The following TRIP12 variants were observed in gnomAD, a reference collection of about 807,000 sequenced individuals.
The protein encoded by TRIP12 is E3 ubiquitin-protein ligase TRIP12.
In TRIP12, 25 loss-of-function variants were observed where a neutral mutation model predicts 244.2. That is an observed-to-expected ratio of 0.10 (90% CI 0.07 to 0.14). The LOEUF is 0.14. Ranked by LOEUF, TRIP12 falls within the 10% of genes least tolerant of loss-of-function variation. The pLI, the probability that TRIP12 is intolerant of heterozygous loss-of-function variation, is 1.00. For synonymous variants in TRIP12, 905 were observed against 873.1 expected (o/e 1.04, Z -0.64); for missense variants, 1,677 against 2,486.4 (o/e 0.67, Z 6.92).
chr2:229,886,906 C>A (rs1304306812), intron 1 of TRIP12, among the ~76,000 whole-genome samples: 1 of 152,266 alleles, frequency 6.6e-6, no homozygotes, highest in East Asian at 1.9e-4. Context: ...TGCTTTAAAT[C>A]ATTTAATTTT....
intron 39 of TRIP12, 34 bp from the exon 40 acceptor site, chr2:229,769,359 A>G (rs1469368721): frequency 1.2e-6 from 2 of 1,601,644 alleles, no homozygotes; most frequent in Non-Finnish European, 1.7e-6. Context: ...AAGAATTACT[A>G]AGGAAACATT....
intron 4 of TRIP12, among the ~76,000 whole-genome samples, chr2:229,853,382 C>A (rs915711279): frequency 6.6e-6 from 1 of 152,112 alleles, no homozygotes; most frequent in African/African-American, 2.4e-5. Context: ...AACAAAAAAC[C>A]CTGATGCATA....
chr2:229,845,547 C>T (rs928702698), intron 4 of TRIP12, among the ~76,000 whole-genome samples: 7 of 152,172 alleles, frequency 4.6e-5, no homozygotes, highest in Middle Eastern at 3.4e-3. Context: ...AAAAAAACCA[C>T]GTAAGAATTC....
chr2:229,800,056 A>T (rs1312962930), intron 21 of TRIP12, among the ~76,000 whole-genome samples: 1 of 152,230 alleles, frequency 6.6e-6, no homozygotes, highest in Non-Finnish European at 1.5e-5. Context: ...CAACCTGAAA[A>T]AGAATGTTAA....
chr2:229,777,260 C>A, intron 37 of TRIP12, 55 bp downstream of exon 37: 4 of 1,548,258 alleles, frequency 2.6e-6, no homozygotes, highest in South Asian at 2.4e-5. Context: ...TTAACAAAAG[C>A]CTCATTTTTC....
Position 229,768,831 on chromosome 2 carries a change from CAT to C in TRIP12, c.5904-114_5904-113del. 4 of 982,926 alleles carry C rather than the reference CAT, an allele frequency of 4.1e-6. No homozygotes were observed. The South Asian group carries it at 5.3e-5, about 13-fold the overall frequency. The allele number at this position is 982,926 out of a possible 1,614,324, so 60.9% of individuals were successfully genotyped here. On this transcript the variant is annotated intron_variant, in intron 40 of 41. Transcript: ENST00000675903. ...ATTAGATTAGCACTTTTAAATTACA[CAT>C]ACATTTTCCATTACAATGTACTTAA... is the stretch of plus-strand genomic sequence containing the variant.
chr2:229,871,527 C>G (rs1238973810), intron 2 of TRIP12, among the ~76,000 whole-genome samples: 2 of 152,094 alleles, frequency 1.3e-5, no homozygotes, highest in Admixed American at 1.3e-4. Flanking sequence ...CCCTCCCCAC[C>G]CCTTGCTCCC....
intron 2 of TRIP12, among the ~76,000 whole-genome samples, chr2:229,870,431 G>A (rs2062354227): frequency 6.6e-6 from 1 of 152,168 alleles, no homozygotes; most frequent in Non-Finnish European, 1.5e-5. Context: ...TGAACAGAGA[G>A]GAGGCAGCCA....
chr2:229,766,741 G>C lies in TRIP12; in HGVS notation c.*813C>G, dbSNP rs573500550. The C allele has an allele frequency of 5.9e-5, 9 of 152,274 alleles. No individual in the cohort carries two copies. In the South Asian group the frequency reaches 1.9e-3, roughly 32 times the overall value. The allele number at this position is 152,274 out of a possible 1,614,324, so 9.4% of individuals were successfully genotyped here. On this transcript the variant is annotated 3_prime_UTR_variant, in exon 42 of 42. Coordinates refer to ENST00000675903, the MANE Select transcript of TRIP12 (RefSeq NM_001348323.3). ...TGTAGACTTCTTAACCTTCATAAAAGAAACAAATGAGCTTTCCTTGTCTCA... is the reference window on the plus strand; with the variant it reads ...TGTAGACTTCTTAACCTTCATAAAACAAACAAATGAGCTTTCCTTGTCTCA...
intron 2 of TRIP12, among the ~76,000 whole-genome samples, chr2:229,867,260 G>A (rs1408807169): frequency 6.6e-6 from 1 of 150,878 alleles, no homozygotes; most frequent in African/African-American, 2.4e-5. Context: ...CTGCCTCCTG[G>A]GTTCAAGAGA....
intron 4 of TRIP12, 97 bp downstream of exon 4, chr2:229,858,675 T>TG (rs1454084521): frequency 9.6e-7 from 1 of 1,046,520 alleles, no homozygotes; most frequent in Non-Finnish European, 1.4e-6. Context: ...TATCTAAGAC[T>TG]GGGGGGAAAA....
chr2:229,808,435 A>G, intron 15 of TRIP12, 66 bp from the exon 16 acceptor site: 1 of 995,088 alleles, frequency 1.0e-6, no homozygotes. Flanking sequence ...TTCAAAGGCA[A>G]ACATTGCCCA....
intron 23 of TRIP12, 77 bp downstream of exon 23, chr2:229,798,798 T>C: frequency 6.7e-7 from 1 of 1,503,220 alleles, no homozygotes; most frequent in Non-Finnish European, 9.1e-7. Context: ...CTCCACACAA[T>C]AAACGTACTG....
intron 26 of TRIP12, among the ~76,000 whole-genome samples, chr2:229,794,483 C>T (rs1356632438): frequency 6.6e-6 from 1 of 152,076 alleles, no homozygotes; most frequent in Non-Finnish European, 1.5e-5. Flanking sequence ...AGAAAGATCT[C>T]TTCAGCCAGG....
intron 26 of TRIP12, among the ~76,000 whole-genome samples, chr2:229,794,427 C>T (rs948967924): frequency 5.3e-5 from 8 of 152,022 alleles, no homozygotes; most frequent in Non-Finnish European, 1.2e-4. Flanking sequence ...ATTAATGGAA[C>T]ATGGTGGCAC....
At chr2:229,789,854 G>A (rs2040991123) in intron 30 of TRIP12, 92 bp from the exon 31 acceptor site, 3 of 1,398,898 alleles carry the variant, frequency 2.1e-6, no homozygotes, top group Non-Finnish European at 2.9e-6. Flanking sequence ...AAGAGTAACA[G>A]AAGTTGTTAT....
intron 1 of TRIP12, among the ~76,000 whole-genome samples, chr2:229,911,996 C>G (rs997779820): frequency 6.6e-6 from 1 of 151,924 alleles, no homozygotes; most frequent in African/African-American, 2.4e-5. Flanking sequence ...TTACTGAGGA[C>G]AACTCACAAA....
At chr2:229,919,187 G>A (rs1017399608) in intron 1 of TRIP12, among the ~76,000 whole-genome samples, 8 of 152,204 alleles carry the variant, frequency 5.3e-5, no homozygotes, top group Admixed American at 2.0e-4. Flanking sequence ...ACCAAGGCAG[G>A]CGGATCACCT....
intron 1 of TRIP12, among the ~76,000 whole-genome samples, chr2:229,911,508 T>C (rs556761031): frequency 9.2e-5 from 14 of 152,132 alleles, no homozygotes; most frequent in Non-Finnish European, 1.5e-4. Flanking sequence ...ATAGGAAGAG[T>C]ATGTTCTCCT....
Sources: gnomAD v4.1 joint callset for allele counts (sites outside exome capture counted in the v4.1 genomes callset) on GRCh38, gnomAD v4.1.1 for gene constraint, MANE v1.5 for transcripts, NCBI Gene and HGNC (gene_info 2026-07-23, HGNC 2026-07-21) for gene names.